Variants in NUP107 observed in about 807,000 individuals in gnomAD.
NUP107 encodes nucleoporin 107, also known as nuclear pore complex protein Nup107.
In NUP107, 101 loss-of-function variants were observed where a neutral mutation model predicts 141.0. The ratio of observed to expected loss-of-function variants is 0.72; its 90% CI spans 0.61 to 0.84. The LOEUF is 0.84. Ranked by LOEUF, NUP107 falls within the 40% of genes least tolerant of loss-of-function variation. NUP107 has a pLI of 0.00. For missense variants in NUP107, 941 were observed against 1,102.7 expected (o/e 0.85, Z 2.08); for synonymous variants, 319 against 363.9 (o/e 0.88, Z 1.41).
At chr12:68,706,239 A>C in intron 8 of NUP107, 1 of 769,526 alleles carries the variant, frequency 1.3e-6, no homozygotes, top group South Asian at 1.3e-5. Context: ...GATATGGATG[A>C]AGCTTACAAG....
chr12:68,715,231 C>T (rs908661120), intron 11 of NUP107, among the ~76,000 whole-genome samples: 1 of 152,184 alleles, frequency 6.6e-6, no homozygotes, highest in Admixed American at 6.5e-5. Context: ...CGCAGTGGTT[C>T]ACGCCTGTAA....
At chr12:68,727,520 A>G (rs1877615421) in intron 20 of NUP107, 131 bp downstream of exon 20, 1 of 542,854 alleles carries the variant, frequency 1.8e-6, no homozygotes, top group Non-Finnish European at 3.4e-6. Flanking sequence ...AATTATCAGC[A>G]CAGTTGACCT....
At chr12:68,697,064 C>T in intron 6 of NUP107, 142 bp downstream of exon 6, 1 of 497,934 alleles carries the variant, frequency 2.0e-6, no homozygotes. Context: ...ACTAGAGCAT[C>T]CCTGCGTCTT....
intron 10 of NUP107, among the ~76,000 whole-genome samples, chr12:68,712,107 GTTTAT>G (rs1309026050): frequency 6.6e-6 from 1 of 152,162 alleles, no homozygotes; most frequent in Admixed American, 6.5e-5. Context: ...TAAAGGGACA[GTTTAT>G]TTTAAGTCTT....
At chr12:68,733,720 C>A in intron 24 of NUP107, 108 bp downstream of exon 24, 1 of 1,075,208 alleles carries the variant, frequency 9.3e-7, no homozygotes, top group Non-Finnish European at 1.4e-6. Flanking sequence ...CATCTTACCT[C>A]TCTTGTGACT....
Position 68,721,977 on chromosome 12 carries a change from T to G in NUP107, c.1448T>G (p.Leu483Arg). The G allele has an allele frequency of 6.2e-7, 1 of 1,613,532 alleles. No homozygotes were observed. Among genetic ancestry groups the G allele is most frequent in the Non-Finnish European group, 8.5e-7 (1 of 1,179,798 alleles). The change falls in exon 16 of 28, where the codon CTG becomes CGG. Residue 483 changes from leucine (L) to arginine (R), a missense_variant. Transcript: ENST00000229179. ...DETEELPREY[L>R]GANWTLEKVF... ...ACTGAAGAACTCCCTAGAGAATATC[T>G]GGGAGCAAAGTGAGTTTGTTGGATT...
At chr12:68,725,541 GAGTATATTCCAA>G (rs1382906956) in intron 17 of NUP107, among the ~76,000 whole-genome samples, 174 bp from the exon 18 acceptor site, 2 of 152,132 alleles carry the variant, frequency 1.3e-5, no homozygotes, top group East Asian at 1.9e-4. Context: ...TGTAAGCTGT[GAGTATATTCCAA>G]AGGCAGTATC....
intron 11 of NUP107, among the ~76,000 whole-genome samples, chr12:68,715,313 G>C (rs1877051426): frequency 6.6e-6 from 1 of 152,130 alleles, no homozygotes; most frequent in Non-Finnish European, 1.5e-5. Context: ...GGTCAACGTG[G>C]TGAAACCCCG....
At chr12:68,704,002 AG>A (rs1876460139) in intron 8 of NUP107, among the ~76,000 whole-genome samples, 1 of 152,180 alleles carries the variant, frequency 6.6e-6, no homozygotes, top group African/African-American at 2.4e-5. Flanking sequence ...TGAGCCCAGG[AG>A]TTCAAGGCTA....
intron 19 of NUP107, among the ~76,000 whole-genome samples, chr12:68,726,861 G>C (rs10878858): frequency 6.6e-6 from 1 of 151,922 alleles, no homozygotes; most frequent in African/African-American, 2.4e-5. Flanking sequence ...CTTTATCCTT[G>C]TCTGTACCCA....
intron 17 of NUP107, 117 bp from the exon 18 acceptor site, chr12:68,725,610 C>A: frequency 1.6e-6 from 1 of 606,610 alleles, no homozygotes; most frequent in Non-Finnish European, 2.9e-6. Flanking sequence ...CCCTTCATTT[C>A]CAGCTTTTTC....
intron 12 of NUP107, among the ~76,000 whole-genome samples, chr12:68,719,014 G>A (rs6581832): frequency 0.017 from 2,622 of 152,084 alleles, 73 homozygotes; most frequent in African/African-American, 0.06. Context: ...TCAGCCTCCC[G>A]AGTAGCTGGG....
rs945612546 is a variant in NUP107 at position 68,734,652 on chromosome 12, A to G, written c.2263-56A>G. 3.7e-6 allele frequency: 5 copies of G among 1,351,134 alleles called. No homozygotes were observed. In the African/African-American group the frequency reaches 7.4e-5, roughly 20 times the overall value. 83.7% of individuals were successfully genotyped at this position (1,351,134 alleles called of 1,614,324 possible). A position where few individuals can be genotyped will look rare whatever the true frequency, so the allele number is the denominator to read the frequency against. On this transcript the variant is annotated intron_variant, in intron 24 of 27. Transcript: ENST00000229179. Reference sequence around the variant, plus strand: ...AAATGTTAAAAATGTTGGTGAAACGATAAAAGTGAAAACTTTTGTTATTTT... The same window carrying G: ...AAATGTTAAAAATGTTGGTGAAACGGTAAAAGTGAAAACTTTTGTTATTTT...
At chr12:68,704,439 CT>C (rs972961434) in intron 8 of NUP107, among the ~76,000 whole-genome samples, 66 of 151,862 alleles carry the variant, frequency 4.3e-4, no homozygotes, top group African/African-American at 1.5e-3. Context: ...TTTATATTTT[CT>C]GTTTTTAAAA....
At chr12:68,706,262 C>T (rs1160670606) in intron 8 of NUP107, 13 of 780,608 alleles carry the variant, frequency 1.7e-5, no homozygotes, top group Admixed American at 3.4e-5. Flanking sequence ...CAAGGTAGAG[C>T]TGGAGTCTCA....
At chr12:68,713,983 C>T (rs1876992947) in intron 11 of NUP107, 175 bp downstream of exon 11, 2 of 557,704 alleles carry the variant, frequency 3.6e-6, no homozygotes, top group African/African-American at 1.9e-5. Flanking sequence ...TGAAACATAT[C>T]CGTGACCTTT....
chr12:68,715,817 C>T (rs923664842), intron 12 of NUP107, 77 bp downstream of exon 12: 28 of 775,958 alleles, frequency 3.6e-5, no homozygotes, highest in South Asian at 3.1e-4. Flanking sequence ...TTTGTGGCTG[C>T]CTAGTAAGCC....
At chr12:68,689,086 A>G (rs1356942835) in intron 2 of NUP107, 33 bp downstream of exon 2, 1 of 1,520,816 alleles carries the variant, frequency 6.6e-7, no homozygotes, top group African/African-American at 1.4e-5. Context: ...CATTATAAAA[A>G]TTGTAACATG....
chr12:68,696,450 C>T (rs575250526), intron 5 of NUP107, among the ~76,000 whole-genome samples: 113 of 152,166 alleles, frequency 7.4e-4, no homozygotes, highest in Non-Finnish European at 1.4e-3. Context: ...CGGTGGCTCA[C>T]GCCTGTAATG....
Sources: gnomAD v4.1 joint callset for allele counts (sites outside exome capture counted in the v4.1 genomes callset) on GRCh38, gnomAD v4.1.1 for gene constraint, MANE v1.5 for transcripts, NCBI Gene and HGNC (gene_info 2026-07-23, HGNC 2026-07-21) for gene names.